MEGF9: variants seen among roughly 807,000 people sequenced by gnomAD.
The protein encoded by MEGF9 is multiple EGF like domains 9.
A neutral mutation model predicts 46.8 loss-of-function variants in MEGF9; 6 were observed. That is an observed-to-expected ratio of 0.13 (90% CI 0.07 to 0.25). The LOEUF is 0.25. MEGF9 is among the 10% of genes least tolerant of loss of function. The probability of loss-of-function intolerance (pLI) is 1.00; values close to 1 mark genes in which losing one functional copy is unlikely to be tolerated. For missense variants in MEGF9, 683 were observed against 792.4 expected, an observed-to-expected ratio of 0.86 and a Z score of 1.66; for synonymous variants, 302 against 330.7, an observed-to-expected ratio of 0.91 and a Z score of 0.94.
At position 120,637,232 on chromosome 9, in the gene MEGF9, G is replaced by C. The variant is rs530095268; in HGVS notation, c.804-14477C>G. Among the ~76,000 whole-genome samples, 16 of 152,172 alleles carry C rather than the reference G, an allele frequency of 1.1e-4. 1 individual carries two copies. The East Asian group carries it at 1.9e-3, about 18-fold the overall frequency. On this transcript the variant is annotated intron_variant, in intron 2 of 5. Transcript: ENST00000373930. The stretch of plus-strand genomic sequence containing the variant: ...ACAGATGCTTGAAGGCAGCATGCTC[G>C]TTAAGAGTCATCACCACTCCCTAAT...
intron 1 of MEGF9, among the ~76,000 whole-genome samples, chr9:120,695,675 C>T (rs949456047): frequency 4.8e-5 from 7 of 145,158 alleles, no homozygotes; most frequent in Non-Finnish European, 9.0e-5. Context: ...TAATAGGAGG[C>T]TGTAAGGATG....
At chr9:120,651,295 G>T (rs2043648237) in intron 2 of MEGF9, among the ~76,000 whole-genome samples, 1 of 152,160 alleles carries the variant, frequency 6.6e-6, no homozygotes, top group East Asian at 1.9e-4. Flanking sequence ...CAAGAAGTCT[G>T]CACCACAGCA....
intron 1 of MEGF9, among the ~76,000 whole-genome samples, chr9:120,661,083 C>A (rs1451439472): frequency 6.6e-6 from 1 of 152,186 alleles, no homozygotes; most frequent in African/African-American, 2.4e-5. Context: ...TTTATCCACA[C>A]AAGTCAAAAC....
At chr9:120,620,808 C>T (rs968283774) in intron 3 of MEGF9, among the ~76,000 whole-genome samples, 1 of 151,598 alleles carries the variant, frequency 6.6e-6, no homozygotes, top group African/African-American at 2.4e-5. Context: ...AAAAAGAACG[C>T]CACAAGATAA....
chr9:120,620,630 C>T (rs1161102403), intron 3 of MEGF9, among the ~76,000 whole-genome samples: 1 of 151,972 alleles, frequency 6.6e-6, no homozygotes, highest in Non-Finnish European at 1.5e-5. Flanking sequence ...ATTGACGACT[C>T]GAGGGAAGAA....
chr9:120,714,317 G>A lies in MEGF9; in HGVS notation c.42C>T (p.Ser14=), dbSNP rs1240174084. Residue 14 remains serine (S), a synonymous_variant, in exon 1 of 6, where the codon AGC becomes AGT. Transcript: ENST00000373930. ...AGCACAACAGGGCGAGGCCGCCCAG[G>A]CTCGGCAGGCTCCTCATGGCGCGCT... The part of the protein sequence containing the change: ...GAERAMRSLP[S]LGGLALLCCA... 2 of 1,340,118 alleles carry A rather than the reference G, an allele frequency of 1.5e-6. No individual in the cohort carries two copies. The highest frequency in any genetic ancestry group is 6.6e-5 in the Admixed American group (2 of 30,336). The allele number at this position is 1,340,118 out of a possible 1,614,324, so 83.0% of individuals were successfully genotyped here. A position where few individuals can be genotyped will look rare whatever the true frequency, so the allele number is the denominator to read the frequency against.
At chr9:120,657,148 T>C (rs1166432442) in intron 2 of MEGF9, among the ~76,000 whole-genome samples, 3 of 152,152 alleles carry the variant, frequency 2.0e-5, no homozygotes, top group African/African-American at 7.2e-5. Flanking sequence ...AGACAATACA[T>C]AAATAAATGC....
intron 2 of MEGF9, among the ~76,000 whole-genome samples, chr9:120,642,100 T>C (rs1036398785): frequency 6.6e-6 from 1 of 152,226 alleles, no homozygotes; most frequent in Non-Finnish European, 1.5e-5. Flanking sequence ...AGTCAGATGT[T>C]CTGACACCCA....
At chr9:120,711,840 T>TATACACACAC (rs1554800480) in intron 1 of MEGF9, among the ~76,000 whole-genome samples, 1 of 139,158 alleles carries the variant, frequency 7.2e-6, no homozygotes, top group Non-Finnish European at 1.5e-5. Flanking sequence ...TATACATACA[T>TATACACACAC]ACATACACAC....
Position 120,600,879 on chromosome 9 carries a change from G to A in MEGF9, c.*4311C>T, listed in dbSNP as rs1339507518. ...ATCCTTGGCATGTATTTGAAGACATGAAACAACTCTGACCACACAAAAAAG... is the reference window on the plus strand; with the variant it reads ...ATCCTTGGCATGTATTTGAAGACATAAAACAACTCTGACCACACAAAAAAG... On this transcript the variant is annotated 3_prime_UTR_variant, in exon 6 of 6. Coordinates refer to ENST00000373930, the MANE Select transcript of MEGF9 (RefSeq NM_001080497.3). 1 of 152,498 alleles carries A rather than the reference G, an allele frequency of 6.6e-6. No homozygotes were observed. Among genetic ancestry groups the A allele is most frequent in the African/African-American group, 2.4e-5 (1 of 41,408 alleles). The allele number at this position is 152,498 out of a possible 1,614,324, so 9.4% of individuals were successfully genotyped here.
chr9:120,682,334 T>C (rs1405174565), intron 1 of MEGF9, among the ~76,000 whole-genome samples: 5 of 152,232 alleles, frequency 3.3e-5, no homozygotes, highest in African/African-American at 9.6e-5. Context: ...TTTGCCTTAC[T>C]GTCCCTGTTT....
Position 120,637,790 on chromosome 9 carries a change from C to CAAAAAAAAAAAA in MEGF9, c.804-15047_804-15036dup, listed in dbSNP as rs34861368. 2.6e-4 allele frequency among the ~76,000 whole-genome samples: 9 copies of CAAAAAAAAAAAA among 34,788 alleles called. 3 individuals carry two copies. Among genetic ancestry groups the CAAAAAAAAAAAA allele is most frequent in the African/African-American group, 1.0e-3 (9 of 8,962 alleles). The allele number at this position is 34,788 out of a possible 152,430, so 22.8% of individuals were successfully genotyped here. ...AGGGCAACAGGGCAAGACTCTGTCT[C>CAAAAAAAAAAAA]AAAAAAAAAAAAAAAAAAAAAAAAA... On this transcript the variant is annotated intron_variant, in intron 2 of 5. Transcript: ENST00000373930.
At chr9:120,637,395 C>T (rs779123824) in intron 2 of MEGF9, among the ~76,000 whole-genome samples, 3 of 150,598 alleles carry the variant, frequency 2.0e-5, no homozygotes, top group Admixed American at 1.3e-4. Context: ...TTCCCCCTCT[C>T]GAGAAACACC....
At chr9:120,683,099 A>G (rs1377567433) in intron 1 of MEGF9, among the ~76,000 whole-genome samples, 5 of 152,280 alleles carry the variant, frequency 3.3e-5, no homozygotes, top group Admixed American at 3.3e-4. Flanking sequence ...ACTGCAGTCT[A>G]AAGAGTCTGC....
intron 1 of MEGF9, among the ~76,000 whole-genome samples, chr9:120,694,656 G>C (rs1040153709): frequency 1.3e-5 from 2 of 152,140 alleles, no homozygotes; most frequent in Non-Finnish European, 2.9e-5. Flanking sequence ...TCATGATACA[G>C]CTGGTTATAC....
At chr9:120,606,798 G>A in intron 5 of MEGF9, among the ~76,000 whole-genome samples, 1 of 152,114 alleles carries the variant, frequency 6.6e-6, no homozygotes, top group Non-Finnish European at 1.5e-5. Context: ...CTCAATAAAA[G>A]TATTACTATT....
intron 4 of MEGF9, among the ~76,000 whole-genome samples, chr9:120,608,720 G>A (rs911665442): frequency 5.9e-5 from 9 of 152,062 alleles, no homozygotes; most frequent in Non-Finnish European, 7.4e-5. Context: ...TTCCCTTCCT[G>A]AGTCCTGTCT....
intron 1 of MEGF9, among the ~76,000 whole-genome samples, chr9:120,700,810 G>A (rs751062651): frequency 2.0e-5 from 3 of 152,070 alleles, no homozygotes; most frequent in East Asian, 3.9e-4. Context: ...GGCCAGGCAC[G>A]GTGGCTCACG....
intron 1 of MEGF9, among the ~76,000 whole-genome samples, chr9:120,684,711 CG>C (rs1341954299): frequency 2.6e-5 from 4 of 152,220 alleles, no homozygotes; most frequent in Non-Finnish European, 4.4e-5. Flanking sequence ...CTCTTGCACA[CG>C]CCATTAGTGG....
Sources: allele counts gnomAD v4.1 joint callset (sites outside exome capture counted in the v4.1 genomes callset), GRCh38; gene constraint gnomAD v4.1.1; transcripts MANE v1.5; gene names NCBI Gene and HGNC (gene_info 2026-07-23, HGNC 2026-07-21).